The following NAALADL2 variants were observed in gnomAD, a reference collection of about 807,000 sequenced individuals.
The protein encoded by NAALADL2 is N-acetylated alpha-linked acidic dipeptidase like 2.
NAALADL2 carries 76 observed loss-of-function variants against 87.2 expected under a neutral mutation model. The ratio of observed to expected loss-of-function variants is 0.87; its 90% confidence interval spans 0.72 to 1.05. The LOEUF (loss-of-function observed/expected upper bound fraction) is 1.05, where lower values mean the gene tolerates loss of function less well. NAALADL2 is among the 50% of genes least tolerant of loss of function. The pLI is 0.00. For missense variants in NAALADL2, 1,089 were observed against 945.8 expected, an observed-to-expected ratio of 1.15 and a Z score of -1.99; for synonymous variants, 354 against 331.0, an observed-to-expected ratio of 1.07 and a Z score of -0.75.
At chr3:175,599,612 G>A (rs563536726) in intron 10 of NAALADL2, among the ~76,000 whole-genome samples, 78 of 150,686 alleles carry the variant, frequency 5.2e-4, no homozygotes, top group African/African-American at 1.8e-3. Flanking sequence ...TAACATTCAG[G>A]CTTCTTCATC....
rs376426500 is a variant in NAALADL2, at chr3:175,608,570, C to T, written c.1801-18721C>T. ...TGTGTTTTTCGCCTTCATGCTTCCA[C>T]AGACTTTGGCATACATCCTGAATGC... is the stretch of plus-strand genomic sequence containing the variant. On this transcript the variant is annotated intron_variant, in intron 10 of 13. Coordinates refer to ENST00000454872, the MANE Select transcript of NAALADL2 (RefSeq NM_207015.3). Among the ~76,000 whole-genome samples the T allele has an allele frequency of 9.9e-5, 15 of 151,974 alleles. No homozygotes were observed. The East Asian group carries it at 1.4e-3, about 14-fold the overall frequency.
chr3:175,163,092 G>A (rs1733480475), intron 2 of NAALADL2, among the ~76,000 whole-genome samples: 1 of 152,038 alleles, frequency 6.6e-6, no homozygotes, highest in Non-Finnish European at 1.5e-5. Context: ...GTCTTAGTGA[G>A]TTAGTCTGTA....
chr3:175,418,684 G>A (rs190542777), intron 5 of NAALADL2, among the ~76,000 whole-genome samples: 97 of 152,164 alleles, frequency 6.4e-4, no homozygotes, highest in Non-Finnish European at 1.0e-3. Flanking sequence ...GGTATTGGTC[G>A]ATGAAATATA....
chr3:175,428,192 T>C (rs551577565), intron 5 of NAALADL2, among the ~76,000 whole-genome samples: 9 of 152,162 alleles, frequency 5.9e-5, no homozygotes, highest in Non-Finnish European at 1.2e-4. Context: ...CTTGATGGCA[T>C]ACAGCTTGAC....
chr3:174,921,665 C>T (rs1306720187), intron 1 of NAALADL2, among the ~76,000 whole-genome samples: 9 of 151,510 alleles, frequency 5.9e-5, no homozygotes, highest in East Asian at 1.9e-4. Context: ...ATTAGCTGGG[C>T]GTGGTGGCGG....
chr3:174,982,455 A>T (rs1745248199), intron 1 of NAALADL2, among the ~76,000 whole-genome samples: 1 of 152,200 alleles, frequency 6.6e-6, no homozygotes, highest in African/African-American at 2.4e-5. Flanking sequence ...TTTTGCCACT[A>T]TGAGTTATAT....
intron 4 of NAALADL2, among the ~76,000 whole-genome samples, chr3:175,311,051 A>G (rs1372180150): frequency 1.3e-5 from 2 of 152,052 alleles, no homozygotes; most frequent in Non-Finnish European, 2.9e-5. Context: ...CTTATTAAAG[A>G]TGAATGCTCT....
chr3:175,314,694 A>ATATATAGTTCTAAC lies in NAALADL2; in HGVS notation c.940-9475_940-9474insGTTCTAACTATATA, dbSNP rs1553857583. Among the ~76,000 whole-genome samples the ATATATAGTTCTAAC allele has an allele frequency of 1.4e-3, 117 of 82,726 alleles. 3 individuals carry two copies. The highest frequency in any genetic ancestry group is 6.4e-3 in the South Asian group (13 of 2,032). 54.3% of individuals were successfully genotyped at this position (82,726 alleles called of 152,430 possible). A position where few individuals can be genotyped will look rare whatever the true frequency, so the allele number is the denominator to read the frequency against. On this transcript the variant is annotated intron_variant, in intron 4 of 13. Transcript: ENST00000454872. ...TATATATATATATATATATATATAT[A>ATATATAGTTCTAAC]TATATATATATATATATATATATAT...
At chr3:175,145,361 C>T (rs1730595170) in intron 2 of NAALADL2, among the ~76,000 whole-genome samples, 1 of 152,050 alleles carries the variant, frequency 6.6e-6, no homozygotes, top group Non-Finnish European at 1.5e-5. Flanking sequence ...TCCCAGTGAC[C>T]TACATGGCAG....
chr3:174,949,835 A>G (rs1275254142), intron 1 of NAALADL2, among the ~76,000 whole-genome samples: 1 of 152,218 alleles, frequency 6.6e-6, no homozygotes, highest in Admixed American at 6.5e-5. Context: ...GTGTGGAGCA[A>G]GAGTAATACT....
intron 11 of NAALADL2, among the ~76,000 whole-genome samples, chr3:175,693,224 C>T (rs1426323265): frequency 6.6e-6 from 1 of 152,158 alleles, no homozygotes; most frequent in African/African-American, 2.4e-5. Flanking sequence ...ATGGGGGCCC[C>T]ATCACACAGA....
chr3:175,152,332 A>C (rs1214423668), intron 2 of NAALADL2, among the ~76,000 whole-genome samples: 2 of 152,154 alleles, frequency 1.3e-5, no homozygotes, highest in African/African-American at 4.8e-5. Context: ...CCTAATACAA[A>C]CTTGTTTTAT....
chr3:175,195,374 G>A (rs762190084), intron 2 of NAALADL2, among the ~76,000 whole-genome samples: 19 of 151,730 alleles, frequency 1.3e-4, no homozygotes, highest in Non-Finnish European at 2.2e-4. Context: ...ATGATGAAAC[G>A]TTATGAAAAA....
chr3:175,094,952 T>C (rs180814275), intron 1 of NAALADL2, among the ~76,000 whole-genome samples: 1 of 152,084 alleles, frequency 6.6e-6, no homozygotes, highest in Admixed American at 6.6e-5. Flanking sequence ...AGGTTTACTA[T>C]GTGAATGCAT....
At chr3:175,279,607 G>A (rs1051392955) in intron 4 of NAALADL2, among the ~76,000 whole-genome samples, 1 of 151,630 alleles carries the variant, frequency 6.6e-6, no homozygotes, top group Non-Finnish European at 1.5e-5. Context: ...TTAATTCCTA[G>A]TTCAAACCAT....
At chr3:174,831,509 C>G (rs1279358614) in intron 3 of NAALADL2, among the ~76,000 whole-genome samples, 2 of 144,990 alleles carry the variant, frequency 1.4e-5, no homozygotes, top group Non-Finnish European at 3.1e-5. Context: ...ATTCGTTTTG[C>G]CAGTATTTTA....
chr3:174,791,251 G>A lies in NAALADL2; in HGVS notation c.-9+53505G>A, dbSNP rs535102057. On this transcript the variant is annotated intron_variant, in intron 3 of 3. Coordinates refer to the NAALADL2 transcript ENST00000434257. ...CACATTCTTTCCAGACCCCTCTCTG[G>A]GTATTCTCCTGTGCAACTGCTGTGG... Among the ~76,000 whole-genome samples, 8 of 152,230 alleles carry A rather than the reference G, an allele frequency of 5.3e-5. No individual in the cohort carries two copies. The East Asian group carries it at 1.5e-3, about 29-fold the overall frequency.
chr3:174,565,792 A>C (rs28403055), intron 2 of NAALADL2, among the ~76,000 whole-genome samples: 2 of 152,030 alleles, frequency 1.3e-5, no homozygotes, highest in Non-Finnish European at 2.9e-5. Context: ...TCTACCACCA[A>C]TGAGTGAAAG....
intron 5 of NAALADL2, among the ~76,000 whole-genome samples, chr3:175,364,905 C>A (rs1239890289): frequency 6.8e-6 from 1 of 147,118 alleles, no homozygotes; most frequent in Non-Finnish European, 1.5e-5. Flanking sequence ...CATTTTTTGA[C>A]AAATATGTTT....
Sources: gnomAD v4.1 joint callset for allele counts (sites outside exome capture counted in the v4.1 genomes callset) on GRCh38, gnomAD v4.1.1 for gene constraint, MANE v1.5 for transcripts, NCBI Gene and HGNC (gene_info 2026-07-23, HGNC 2026-07-21) for gene names.